The following LRRC4C variants were observed in gnomAD, a reference collection of about 807,000 sequenced individuals.
LRRC4C encodes leucine-rich repeat-containing protein 4C.
LRRC4C carries 5 observed loss-of-function variants against 33.6 expected under a neutral mutation model. The observed-to-expected ratio is 0.15, with a 90% CI of 0.08 to 0.31. LRRC4C has a LOEUF of 0.31. Among genes scored for constraint, LRRC4C ranks in the 10% least tolerant of loss-of-function variants. The pLI is 1.00. For missense variants in LRRC4C, 560 were observed against 796.7 expected, an observed-to-expected ratio of 0.70 and a Z score of 3.58; for synonymous variants, 329 against 302.0, an observed-to-expected ratio of 1.09 and a Z score of -0.93.
intron 5 of LRRC4C, among the ~76,000 whole-genome samples, chr11:40,186,777 C>G (rs1384555812): frequency 6.6e-6 from 1 of 152,194 alleles, no homozygotes; most frequent in Non-Finnish European, 1.5e-5. Context: ...AAGCCTGCCT[C>G]TCTCTGACAT....
chr11:40,565,729 A>G (rs189656505), intron 3 of LRRC4C, among the ~76,000 whole-genome samples: 8 of 152,050 alleles, frequency 5.3e-5, no homozygotes, highest in Admixed American at 2.0e-4. Context: ...CTGTCTTGCC[A>G]TCTATTGCTT....
intron 3 of LRRC4C, among the ~76,000 whole-genome samples, chr11:40,612,093 G>A (rs1160049855): frequency 1.3e-5 from 2 of 151,696 alleles, no homozygotes; most frequent in African/African-American, 4.8e-5. Context: ...GCACTTCCAT[G>A]TTTCTTATAA....
intron 3 of LRRC4C, among the ~76,000 whole-genome samples, chr11:40,332,598 G>A (rs1369843505): frequency 6.6e-6 from 1 of 152,108 alleles, no homozygotes; most frequent in Non-Finnish European, 1.5e-5. Flanking sequence ...GTAAATTAAG[G>A]TATCTAATTT....
At chr11:40,116,871 G>T (rs1855475356) in intron 6 of LRRC4C, among the ~76,000 whole-genome samples, 1 of 152,130 alleles carries the variant, frequency 6.6e-6, no homozygotes, top group African/African-American at 2.4e-5. Flanking sequence ...AATGTAGGAA[G>T]CCTTATAAAA....
intron 3 of LRRC4C, among the ~76,000 whole-genome samples, chr11:40,558,066 GAGA>G (rs1433996377): frequency 1.3e-5 from 2 of 152,174 alleles, no homozygotes; most frequent in African/African-American, 4.8e-5. Flanking sequence ...AATTACTCAT[GAGA>G]AGATCTCTGT....
At position 40,600,877 on chromosome 11, in the gene LRRC4C, C is replaced by A. The variant is rs1053626622; in HGVS notation, c.-270+47265G>T. On this transcript the variant is annotated intron_variant, in intron 3 of 6. Coordinates refer to ENST00000528697, the MANE Select transcript of LRRC4C (RefSeq NM_001258419.2). ...AACATATCACCCTGTTTATACATAT[C>A]CCCATAAATATGAGGAATCACATAC... Among the ~76,000 whole-genome samples, 4 of 12,076 alleles carry A rather than the reference C, an allele frequency of 3.3e-4. No individual in the cohort carries two copies. In the Non-Finnish European group the frequency reaches 0.027, roughly 81 times the overall value. 7.9% of individuals were successfully genotyped at this position (12,076 alleles called of 152,430 possible). A position where few individuals can be genotyped will look rare whatever the true frequency, so the allele number is the denominator to read the frequency against.
chr11:40,214,838 CT>C (rs35270881), intron 5 of LRRC4C, among the ~76,000 whole-genome samples: 17 of 152,094 alleles, frequency 1.1e-4, no homozygotes, highest in Non-Finnish European at 1.9e-4. Flanking sequence ...TTTCTTTGCC[CT>C]TTTTTTCCCC....
intron 1 of LRRC4C, among the ~76,000 whole-genome samples, chr11:41,173,397 C>T (rs1239897331): frequency 6.6e-6 from 1 of 152,136 alleles, no homozygotes; most frequent in Admixed American, 6.6e-5. Context: ...TTCTATTGAA[C>T]ATTAACATTT....
chr11:40,648,866 G>T (rs1041696950), intron 2 of LRRC4C, among the ~76,000 whole-genome samples: 1 of 152,114 alleles, frequency 6.6e-6, no homozygotes, highest in African/African-American at 2.4e-5. Flanking sequence ...ACAAAGAGAG[G>T]AATTTCACAC....
chr11:40,606,226 T>C (rs551938573), intron 3 of LRRC4C, among the ~76,000 whole-genome samples: 1 of 152,136 alleles, frequency 6.6e-6, no homozygotes, highest in African/African-American at 2.4e-5. Context: ...GCAAAAGGGA[T>C]ATAGGTCACT....
At chr11:41,038,450 G>A (rs1275161194) in intron 1 of LRRC4C, among the ~76,000 whole-genome samples, 1 of 152,002 alleles carries the variant, frequency 6.6e-6, no homozygotes, top group Non-Finnish European at 1.5e-5. Flanking sequence ...AAATTCCTTG[G>A]GTGAGGTGTT....
At chr11:41,188,706 A>C (rs1168610582) in intron 1 of LRRC4C, among the ~76,000 whole-genome samples, 1 of 29,972 alleles carries the variant, frequency 3.3e-5, no homozygotes, top group Non-Finnish European at 1.1e-4. Context: ...AAAAAGAAGC[A>C]AAAAAAAAAA....
At chr11:40,269,568 C>T (rs569451061) in intron 4 of LRRC4C, among the ~76,000 whole-genome samples, 2 of 152,196 alleles carry the variant, frequency 1.3e-5, no homozygotes, top group East Asian at 3.9e-4. Context: ...TATGTCACTC[C>T]AAACTGACAG....
chr11:41,066,780 A>C (rs1938273628), intron 1 of LRRC4C, among the ~76,000 whole-genome samples: 1 of 152,212 alleles, frequency 6.6e-6, no homozygotes. Context: ...AAAGAAAAGA[A>C]TTTCCAACCC....
At chr11:41,026,362 G>T (rs900894221) in intron 1 of LRRC4C, among the ~76,000 whole-genome samples, 1 of 151,546 alleles carries the variant, frequency 6.6e-6, no homozygotes, top group Non-Finnish European at 1.5e-5. Context: ...AAAAGCAAGA[G>T]AATTAGAATC....
intron 1 of LRRC4C, among the ~76,000 whole-genome samples, chr11:41,361,777 G>T (rs556174223): frequency 6.6e-6 from 1 of 152,206 alleles, no homozygotes; most frequent in East Asian, 1.9e-4. Flanking sequence ...TTGCTGTAGT[G>T]ACTCTTAAAT....
chr11:41,168,653 A>T (rs1944835864), intron 1 of LRRC4C, among the ~76,000 whole-genome samples: 2 of 152,194 alleles, frequency 1.3e-5, no homozygotes, highest in African/African-American at 4.8e-5. Context: ...TGTTTGGGAG[A>T]TAAAGATGCT....
At chr11:40,817,219 T>C (rs894010354) in intron 2 of LRRC4C, among the ~76,000 whole-genome samples, 2 of 152,124 alleles carry the variant, frequency 1.3e-5, no homozygotes. Flanking sequence ...TGAAAAGAAA[T>C]ACAGGTGACA....
chr11:41,242,875 A>C lies in LRRC4C; in HGVS notation c.-496+216556T>G, dbSNP rs372778804. ...TCTTAATAGCTATTTATAACATATT[A>C]ATGCATTGTATTTATTTAATGCTCT... On this transcript the variant is annotated intron_variant, in intron 1 of 6. Coordinates refer to ENST00000528697, the MANE Select transcript of LRRC4C (RefSeq NM_001258419.2). Among the ~76,000 whole-genome samples the C allele has an allele frequency of 2.6e-3, 395 of 152,288 alleles. 22 individuals are homozygous for C. The South Asian group carries it at 0.079, about 30-fold the overall frequency.
Sources: allele counts gnomAD v4.1 joint callset (sites outside exome capture counted in the v4.1 genomes callset), GRCh38; gene constraint gnomAD v4.1.1; transcripts MANE v1.5; gene names NCBI Gene and HGNC (gene_info 2026-07-23, HGNC 2026-07-21).